Variants in SMAD4 observed in about 807,000 individuals in gnomAD.
SMAD4 encodes MAD homolog 4.
SMAD4 carries 7 observed loss-of-function variants against 63.2 expected under a neutral mutation model. The observed-to-expected ratio is 0.11, with a 90% CI of 0.06 to 0.21. SMAD4 has a LOEUF of 0.21. Ranked by LOEUF, SMAD4 falls within the 10% of genes least tolerant of loss-of-function variation. The probability of loss-of-function intolerance (pLI) is 1.00; values close to 1 mark genes in which losing one functional copy is unlikely to be tolerated. For missense variants in SMAD4, 312 were observed against 693.8 expected (o/e 0.45, Z 6.18); for synonymous variants, 215 against 235.4 (o/e 0.91, Z 0.79).
chr18:51,073,300 T>A (rs1180163815), intron 10 of SMAD4, among the ~76,000 whole-genome samples: 1 of 147,004 alleles, frequency 6.8e-6, no homozygotes, highest in Admixed American at 6.9e-5. Flanking sequence ...GTGTTAATGT[T>A]AAAGGCATAC....
intron 10 of SMAD4, 114 bp from the exon 11 acceptor site, chr18:51,076,524 T>C: frequency 1.2e-6 from 1 of 868,758 alleles, no homozygotes; most frequent in Non-Finnish European, 1.8e-6. Context: ...TTTAATTAAT[T>C]CTTTTCATGT....
Position 51,057,468 on chromosome 18 carries a change from T to C in SMAD4, c.668-657T>C, listed in dbSNP as rs182497415. 2.3e-3 allele frequency among the ~76,000 whole-genome samples: 345 copies of C among 152,330 alleles called. 2 individuals are homozygous for C. The highest frequency in any genetic ancestry group is 8.1e-3 in the African/African-American group (336 of 41,568). ...TCTTGTACATCTGGGAATATGATGGTGTTCTTGAAAAGAAATGATTCTTGG... is the reference window on the plus strand; with the variant it reads ...TCTTGTACATCTGGGAATATGATGGCGTTCTTGAAAAGAAATGATTCTTGG... On this transcript the variant is annotated intron_variant, in intron 5 of 11. Coordinates refer to ENST00000342988, the MANE Select transcript of SMAD4 (RefSeq NM_005359.6).
chr18:51,044,036 T>A (rs563669753), intron 1 of SMAD4, among the ~76,000 whole-genome samples: 1 of 152,238 alleles, frequency 6.6e-6, no homozygotes, highest in Non-Finnish European at 1.5e-5. Context: ...GAGACAGATA[T>A]GTAATCAAAT....
Position 51,047,304 on chromosome 18 carries a change from T to G in SMAD4, c.249+9T>G, listed in dbSNP as rs770523387. The G allele has an allele frequency of 1.2e-6, 2 of 1,613,424 alleles. No homozygotes were observed. Among genetic ancestry groups the G allele is most frequent in the Non-Finnish European group, 1.7e-6 (2 of 1,179,636 alleles). On this transcript the variant is annotated intron_variant, in intron 2 of 11. Coordinates refer to ENST00000342988, the MANE Select transcript of SMAD4 (RefSeq NM_005359.6). ...TGGATGGGAGGCTTCAGGTTAGTCTTATAAGAGTTTTTCTATACCCTCTAT... is the reference window on the plus strand; with the variant it reads ...TGGATGGGAGGCTTCAGGTTAGTCTGATAAGAGTTTTTCTATACCCTCTAT...
At position 51,047,093 on chromosome 18, in the gene SMAD4, G is replaced by C. The variant is rs1555684993; in HGVS notation, c.47G>C (p.Cys16Ser). The change falls in exon 2 of 12, where the codon TGT becomes TCT. Residue 16 changes from cysteine (C) to serine (S), a missense_variant. Physicochemically the swap from Cys to Ser is moderately radical, Grantham distance 112. Around this residue, in one of 4 missense-constraint regions of SMAD4, gnomAD observed 37 missense variants for 87.3 expected, o/e 0.42. Transcript: ENST00000342988. ...ITNTPTSNDACLSIVHSLMCH... is the reference protein window; with the variant it reads ...ITNTPTSNDASLSIVHSLMCH... ...AATACACCAACAAGTAATGATGCCT[G>C]TCTGAGCATTGTGCATAGTTTGATG... The C allele has an allele frequency of 1.2e-6, 2 of 1,613,790 alleles. No individual in the cohort carries two copies. The highest frequency in any genetic ancestry group is 1.7e-6 in the Non-Finnish European group (2 of 1,179,702).
chr18:51,039,489 AC>A (rs1210539773), intron 1 of SMAD4, among the ~76,000 whole-genome samples: 2 of 99,226 alleles, frequency 2.0e-5, no homozygotes, highest in African/African-American at 3.9e-5. Flanking sequence ...TCCCCCCCCC[AC>A]CCCCCCACCC....
At position 51,082,376 on chromosome 18, in the gene SMAD4, A is replaced by T. The variant is rs1376453064; in HGVS notation, c.*3909A>T. ...ATAACTAAGTAATTTCTTTGAACATACCAAGAAGTATGTAAAAAGTCCATG... is the reference window on the plus strand; with the variant it reads ...ATAACTAAGTAATTTCTTTGAACATTCCAAGAAGTATGTAAAAAGTCCATG... On this transcript the variant is annotated 3_prime_UTR_variant, in exon 12 of 12. Coordinates refer to ENST00000342988, the MANE Select transcript of SMAD4 (RefSeq NM_005359.6). 8.8e-6 allele frequency: 2 copies of T among 227,884 alleles called. No individual in the cohort carries two copies. Among genetic ancestry groups the T allele is most frequent in the African/African-American group, 4.4e-5 (2 of 45,040 alleles). 14.1% of individuals were successfully genotyped at this position (227,884 alleles called of 1,614,324 possible).
intron 1 of SMAD4, among the ~76,000 whole-genome samples, chr18:51,041,872 A>G (rs1302401160): frequency 6.6e-6 from 1 of 152,224 alleles, no homozygotes; most frequent in African/African-American, 2.4e-5. Context: ...TTGTCACTGC[A>G]GCATAGACTA....
chr18:51,075,046 A>C (rs535048721), intron 10 of SMAD4, among the ~76,000 whole-genome samples: 6 of 152,190 alleles, frequency 3.9e-5, no homozygotes, highest in Non-Finnish European at 8.8e-5. Flanking sequence ...AGGACCTAAT[A>C]GTCCAGGAAA....
At chr18:51,075,776 T>A (rs1910456297) in intron 10 of SMAD4, among the ~76,000 whole-genome samples, 1 of 152,178 alleles carries the variant, frequency 6.6e-6, no homozygotes, top group Non-Finnish European at 1.5e-5. Flanking sequence ...TATTAACGCC[T>A]TAACTCATCC....
intron 4 of SMAD4, among the ~76,000 whole-genome samples, chr18:51,050,394 T>C (rs1909674591): frequency 6.7e-6 from 1 of 149,948 alleles, no homozygotes; most frequent in Non-Finnish European, 1.5e-5. Flanking sequence ...GCACGGTGGC[T>C]CACTCCTGTA....
intron 1 of SMAD4, among the ~76,000 whole-genome samples, chr18:51,044,109 T>A (rs1393990258): frequency 6.6e-6 from 1 of 152,218 alleles, no homozygotes; most frequent in Admixed American, 6.5e-5. Flanking sequence ...TCGTAATTGT[T>A]AAATTGTAAT....
Position 51,084,006 on chromosome 18 carries a change from G to GCA in SMAD4, c.*5540_*5541insAC, listed in dbSNP as rs1361305846. The GCA allele has an allele frequency of 0.027, 5,411 of 201,666 alleles. 299 individuals are homozygous for GCA. The highest frequency in any genetic ancestry group is 0.13 in the African/African-American group (4,956 of 38,658). The allele number at this position is 201,666 out of a possible 1,614,324, so 12.5% of individuals were successfully genotyped here. A position where few individuals can be genotyped will look rare whatever the true frequency, so the allele number is the denominator to read the frequency against. On this transcript the variant is annotated 3_prime_UTR_variant, in exon 12 of 12. Transcript: ENST00000342988. ...AAACACTTAACGCGCGTGCGCACGC[G>GCA]CGCGCGCACACACACACACACACAC...
chr18:51,063,668 C>T (rs556861572), intron 8 of SMAD4, among the ~76,000 whole-genome samples: 1 of 152,286 alleles, frequency 6.6e-6, no homozygotes, highest in South Asian at 2.1e-4. Flanking sequence ...CCATCTTGGC[C>T]TCCCAAAGTG....
At chr18:51,038,220 G>A (rs1909261758) in intron 1 of SMAD4, among the ~76,000 whole-genome samples, 1 of 145,680 alleles carries the variant, frequency 6.9e-6, no homozygotes, top group African/African-American at 2.5e-5. Context: ...TCGCACCACT[G>A]CACTCGGGCC....
chr18:51,049,165 A>C, intron 3 of SMAD4, 130 bp from the exon 4 acceptor site: 1 of 720,884 alleles, frequency 1.4e-6, no homozygotes. Flanking sequence ...CGTTTATGCT[A>C]CTTCTGAATT....
chr18:51,064,974 T>G (rs908294569), intron 8 of SMAD4, among the ~76,000 whole-genome samples: 1 of 152,222 alleles, frequency 6.6e-6, no homozygotes, highest in Non-Finnish European at 1.5e-5. Context: ...GGAATACATC[T>G]TAGGGTCAGT....
At chr18:51,049,669 T>C (rs1909650393) in intron 4 of SMAD4, 1 of 251,902 alleles carries the variant, frequency 4.0e-6, no homozygotes, top group African/African-American at 2.2e-5. Context: ...GGATGTTAAA[T>C]ACCCAGAATA....
Position 51,046,933 on chromosome 18 carries a change from C to G in SMAD4, c.-114C>G. ...TTTCTTTTTTAGGTTATCCTGAATA[C>G]ATGTCTAACAATTTTCCTTGCAACG... On this transcript the variant is annotated 5_prime_UTR_variant, in exon 2 of 12. Transcript: ENST00000342988. 1.2e-6 allele frequency: 1 copy of G among 861,578 alleles called. No individual in the cohort carries two copies. 53.4% of individuals were successfully genotyped at this position (861,578 alleles called of 1,614,324 possible).
Sources: gnomAD v4.1 joint callset for allele counts (sites outside exome capture counted in the v4.1 genomes callset) on GRCh38, gnomAD v4.1.1 for gene constraint, gnomAD v4.1.1 regional missense constraint, MANE v1.5 for transcripts, NCBI Gene and HGNC (gene_info 2026-07-23, HGNC 2026-07-21) for gene names.